Variants in DTD1 observed in about 807,000 individuals in gnomAD.
The protein encoded by DTD1 is D-aminoacyl-tRNA deacylase 1, also known as D-tyrosyl-tRNA deacylase 1 homolog.
In DTD1, 13 loss-of-function variants were observed where a neutral mutation model predicts 25.6. The ratio of observed to expected loss-of-function variants is 0.51; its 90% CI spans 0.33 to 0.81. The LOEUF (loss-of-function observed/expected upper bound fraction) is 0.81, where lower values mean the gene tolerates loss of function less well. DTD1 is among the 30% of genes least tolerant of loss of function. The probability of loss-of-function intolerance (pLI) is 0.02; values close to 1 mark genes in which losing one functional copy is unlikely to be tolerated. For missense variants in DTD1, 193 were observed against 266.4 expected (o/e 0.72, Z 1.92); for synonymous variants, 110 against 103.6 (o/e 1.06, Z -0.37).
At chr20:18,757,922 G>A (rs909153340) in intron 5 of DTD1, among the ~76,000 whole-genome samples, 52 of 152,270 alleles carry the variant, frequency 3.4e-4, no homozygotes, top group Non-Finnish European at 5.6e-4. Flanking sequence ...TGGTTGGTAA[G>A]CTATTAATTA....
chr20:18,626,221 TGCACCAGAA>T (rs921975278), intron 3 of DTD1, among the ~76,000 whole-genome samples: 25 of 152,220 alleles, frequency 1.6e-4, no homozygotes, highest in African/African-American at 6.0e-4. Context: ...ACTGTCCTGT[TGCACCAGAA>T]CAAACTGGGG....
intron 4 of DTD1, among the ~76,000 whole-genome samples, chr20:18,641,353 A>G (rs897272687): frequency 1.3e-5 from 2 of 152,196 alleles, no homozygotes; most frequent in African/African-American, 4.8e-5. Flanking sequence ...CTCTGGGTAA[A>G]TACCTAGGTA....
intron 4 of DTD1, among the ~76,000 whole-genome samples, chr20:18,729,250 G>A (rs140797784): frequency 0.013 from 1,985 of 152,302 alleles, 19 homozygotes; most frequent in African/African-American, 0.021. Context: ...TGATCCTTCC[G>A]CCTCATGGCT....
intron 4 of DTD1, among the ~76,000 whole-genome samples, chr20:18,641,515 G>T (rs952452506): frequency 6.6e-6 from 1 of 151,966 alleles, no homozygotes; most frequent in Admixed American, 6.6e-5. Flanking sequence ...TGTTTTGTAT[G>T]TGTGTTTGTG....
intron 4 of DTD1, among the ~76,000 whole-genome samples, chr20:18,629,467 A>G (rs1374241356): frequency 6.6e-6 from 1 of 151,368 alleles, no homozygotes; most frequent in Non-Finnish European, 1.5e-5. Flanking sequence ...TGCTGGGCTA[A>G]TTTTTGAATT....
intron 4 of DTD1, among the ~76,000 whole-genome samples, chr20:18,688,508 G>T (rs1200063289): frequency 1.3e-5 from 2 of 152,028 alleles, no homozygotes; most frequent in African/African-American, 2.4e-5. Context: ...AGCACTCCAG[G>T]GAGAAGGAGC....
At chr20:18,736,561 C>G (rs1044352376) in intron 4 of DTD1, among the ~76,000 whole-genome samples, 2 of 152,214 alleles carry the variant, frequency 1.3e-5, no homozygotes, top group East Asian at 3.9e-4. Context: ...CCCTGTTGAT[C>G]TGGTGCTTTG....
At chr20:18,588,192 C>T in intron 1 of DTD1, 77 bp downstream of exon 1, 1 of 1,180,878 alleles carries the variant, frequency 8.5e-7, no homozygotes, top group Non-Finnish European at 1.1e-6. Flanking sequence ...GGGGGTCTTC[C>T]TGCGCCATCC....
chr20:18,708,242 A>ATT (rs373880898), intron 4 of DTD1, among the ~76,000 whole-genome samples: 3 of 31,718 alleles, frequency 9.5e-5, no homozygotes, highest in African/African-American at 5.9e-4. Flanking sequence ...TTATATATAT[A>ATT]TAATATATAT....
intron 5 of DTD1, among the ~76,000 whole-genome samples, chr20:18,757,674 A>C (rs1358225691): frequency 3.9e-5 from 6 of 152,212 alleles, no homozygotes; most frequent in Admixed American, 3.9e-4. Context: ...TTGGTTTGCC[A>C]GTATTTTATT....
chr20:18,696,145 G>T (rs987978633), intron 4 of DTD1, among the ~76,000 whole-genome samples: 2 of 152,164 alleles, frequency 1.3e-5, no homozygotes, highest in Non-Finnish European at 2.9e-5. Flanking sequence ...GTTGTCTTCT[G>T]TAAAGAGCAC....
At chr20:18,747,495 C>T (rs901489596) in intron 5 of DTD1, among the ~76,000 whole-genome samples, 2 of 152,140 alleles carry the variant, frequency 1.3e-5, no homozygotes, top group African/African-American at 4.8e-5. Context: ...TGCTCCTGTT[C>T]CTTGAATGAA....
intron 4 of DTD1, among the ~76,000 whole-genome samples, chr20:18,649,241 A>G (rs2060863300): frequency 6.7e-6 from 1 of 148,520 alleles, no homozygotes; most frequent in South Asian, 2.1e-4. Flanking sequence ...TTTCTGAGTC[A>G]GTATGTCCAG....
chr20:18,673,683 G>A (rs2060959134), intron 4 of DTD1, among the ~76,000 whole-genome samples: 1 of 152,114 alleles, frequency 6.6e-6, no homozygotes, highest in South Asian at 2.1e-4. Flanking sequence ...TTTGGGCTCC[G>A]GGGAACAAAC....
At chr20:18,593,887 C>A in intron 2 of DTD1, 66 bp downstream of exon 2, 1 of 1,314,540 alleles carries the variant, frequency 7.6e-7, no homozygotes, top group Non-Finnish European at 1.1e-6. Context: ...TGGGAACTTC[C>A]ATAGTACTTT....
intron 4 of DTD1, among the ~76,000 whole-genome samples, chr20:18,698,878 C>T (rs2061090754): frequency 6.6e-6 from 1 of 152,166 alleles, no homozygotes; most frequent in African/African-American, 2.4e-5. Flanking sequence ...TTGGCAGCTC[C>T]CAGGTGCTGG....
chr20:18,734,839 C>A (rs1194583731), intron 4 of DTD1, among the ~76,000 whole-genome samples: 1 of 152,168 alleles, frequency 6.6e-6, no homozygotes, highest in Non-Finnish European at 1.5e-5. Flanking sequence ...AGATAAATTT[C>A]TAAAGCTATT....
chr20:18,756,895 C>T (rs1010450427), intron 5 of DTD1, among the ~76,000 whole-genome samples: 5 of 150,878 alleles, frequency 3.3e-5, no homozygotes, highest in Non-Finnish European at 5.9e-5. Flanking sequence ...ATTCTTCCTA[C>T]CCATGAGCAT....
intron 5 of DTD1, among the ~76,000 whole-genome samples, chr20:18,747,399 G>C (rs1380273677): frequency 6.6e-6 from 1 of 152,170 alleles, no homozygotes; most frequent in Admixed American, 6.5e-5. Context: ...GGCGGGGGCA[G>C]GCATGTTCCC....
Sources: allele counts gnomAD v4.1 joint callset (sites outside exome capture counted in the v4.1 genomes callset), GRCh38; gene constraint gnomAD v4.1.1; transcripts MANE v1.5; gene names NCBI Gene and HGNC (gene_info 2026-07-23, HGNC 2026-07-21).